MIA2: variants seen among roughly 807,000 people sequenced by gnomAD.
MIA2 encodes the protein melanoma inhibitory activity protein 2.
In MIA2, 127 loss-of-function variants were observed where a neutral mutation model predicts 167.8. The ratio of observed to expected loss-of-function variants is 0.76; its 90% CI spans 0.66 to 0.88. The LOEUF is 0.88. Ranked by LOEUF, MIA2 falls within the 40% of genes least tolerant of loss-of-function variation. The pLI is 0.00. For synonymous variants in MIA2, 552 were observed against 541.9 expected (o/e 1.02, Z -0.26); for missense variants, 1,690 against 1,624.7 (o/e 1.04, Z -0.69).
In MIA2 at chr14:39,247,043, A is replaced by G; in HGVS notation, c.469A>G (p.Ser157Gly). The change falls in exon 4 of 29, where the codon AGT becomes GGT. Residue 157 changes from serine to glycine, a missense_variant. Physicochemically the swap from Ser to Gly is moderately conservative, Grantham distance 56 (BLOSUM62 0). Coordinates refer to ENST00000640607, the MANE Select transcript of MIA2 (RefSeq NM_001329214.4). The stretch of plus-strand genomic sequence containing the variant: ...AGATGAAAAATCTAGTATATATGAA[A>G]GTGATTTTCAGATAGAACCTGGATT... ...DKDEKSSIYESDFQIEPGFYA... is the reference protein window; with the variant it reads ...DKDEKSSIYEGDFQIEPGFYA... 1 of 1,603,360 alleles carries G rather than the reference A, an allele frequency of 6.2e-7. No individual in the cohort carries two copies. The highest frequency in any genetic ancestry group is 1.3e-5 in the African/African-American group (1 of 74,220).
At chr14:39,238,784 ACCCTGTCTC>A (rs2053888957) in intron 2 of MIA2, among the ~76,000 whole-genome samples, 1 of 147,588 alleles carries the variant, frequency 6.8e-6, no homozygotes, top group Non-Finnish European at 1.5e-5. Context: ...ACAAAGTGAG[ACCCTGTCTC>A]AAAAAAAAAA....
chr14:39,367,562 G>A (rs1344591516), intron 23 of MIA2, among the ~76,000 whole-genome samples: 1 of 152,192 alleles, frequency 6.6e-6, no homozygotes, highest in Non-Finnish European at 1.5e-5. Flanking sequence ...GATACCTGGG[G>A]ATCCCTCACC....
intron 25 of MIA2, among the ~76,000 whole-genome samples, chr14:39,334,104 C>T (rs1227593969): frequency 1.3e-5 from 2 of 152,172 alleles, no homozygotes; most frequent in African/African-American, 4.8e-5. Flanking sequence ...ATGTATTTCT[C>T]AGTTAGCTTC....
intron 25 of MIA2, among the ~76,000 whole-genome samples, chr14:39,341,692 T>C (rs2071892455): frequency 6.6e-6 from 1 of 152,128 alleles, no homozygotes; most frequent in Non-Finnish European, 1.5e-5. Flanking sequence ...AGTAGCTATT[T>C]AGGAGAGTGG....
At chr14:39,331,885 T>A (rs12887525) in intron 25 of MIA2, among the ~76,000 whole-genome samples, 53,192 of 151,864 alleles carry the variant, frequency 0.35, 10,495 homozygotes, top group African/African-American at 0.53. Flanking sequence ...GCCCTTAACG[T>A]TTTTTCCTTC....
chr14:39,350,300 G>C lies in MIA2; in HGVS notation c.*36G>C. ...GCTCTCTTCAAAAGTAATTTTGACTGATCTCATTTTCAGTTTAAGTAACTG... is the reference window on the plus strand; with the variant it reads ...GCTCTCTTCAAAAGTAATTTTGACTCATCTCATTTTCAGTTTAAGTAACTG... On this transcript the variant is annotated 3_prime_UTR_variant, in exon 29 of 29. Transcript: ENST00000640607. 1 of 1,007,886 alleles carries C rather than the reference G, an allele frequency of 9.9e-7. No homozygotes were observed. Among genetic ancestry groups the C allele is most frequent in the Non-Finnish European group, 1.4e-6 (1 of 708,660 alleles). 62.4% of individuals were successfully genotyped at this position (1,007,886 alleles called of 1,614,324 possible).
intron 25 of MIA2, among the ~76,000 whole-genome samples, chr14:39,329,028 T>C (rs1275105325): frequency 6.6e-6 from 1 of 152,192 alleles, no homozygotes; most frequent in Non-Finnish European, 1.5e-5. Context: ...TTGATGGGAA[T>C]AGCATTGAAT....
intron 23 of MIA2, among the ~76,000 whole-genome samples, chr14:39,380,355 T>C (rs944032977): frequency 2.0e-5 from 3 of 152,122 alleles, no homozygotes; most frequent in Non-Finnish European, 4.4e-5. Context: ...GATAGTGAAA[T>C]TGACATCTCA....
At chr14:39,277,718 G>T (rs1198242741) in intron 7 of MIA2, among the ~76,000 whole-genome samples, 2 of 1,958 alleles carry the variant, frequency 1.0e-3, no homozygotes, top group African/African-American at 2.3e-3. Context: ...ATATATATGT[G>T]TGTATATATA....
At chr14:39,327,954 G>A (rs1016264270) in intron 25 of MIA2, among the ~76,000 whole-genome samples, 6 of 152,194 alleles carry the variant, frequency 3.9e-5, no homozygotes, top group Admixed American at 1.3e-4. Flanking sequence ...CTTTATAGTA[G>A]AATGATTTAT....
intron 22 of MIA2, among the ~76,000 whole-genome samples, chr14:39,318,842 T>C (rs1284777319): frequency 6.6e-6 from 1 of 152,098 alleles, no homozygotes; most frequent in Non-Finnish European, 1.5e-5. Flanking sequence ...TGTGAATAAA[T>C]ATTTAAACTC....
chr14:39,321,766 T>A (rs1188373281), intron 24 of MIA2, among the ~76,000 whole-genome samples: 1 of 151,028 alleles, frequency 6.6e-6, no homozygotes, highest in African/African-American at 2.4e-5. Flanking sequence ...TATGTAATTT[T>A]TTTTTTTTTT....
intron 25 of MIA2, among the ~76,000 whole-genome samples, chr14:39,329,915 T>A (rs952609724): frequency 6.6e-6 from 1 of 152,212 alleles, no homozygotes; most frequent in Non-Finnish European, 1.5e-5. Context: ...ATCAGAGATA[T>A]TGGCCTGAAA....
intron 2 of MIA2, among the ~76,000 whole-genome samples, chr14:39,237,930 G>C (rs2053833939): frequency 6.6e-6 from 1 of 151,754 alleles, no homozygotes; most frequent in Admixed American, 6.6e-5. Flanking sequence ...AGTAGAGATG[G>C]AGTTTCACCA....
chr14:39,314,060 G>A (rs9788556), intron 19 of MIA2, among the ~76,000 whole-genome samples: 150,487 of 152,310 alleles, frequency 0.99, 74,349 homozygotes, highest in East Asian at 1. Flanking sequence ...TTACTTCACA[G>A]TGGTTGCTAA....
rs1448425039 is a variant in MIA2 at position 39,281,617 on chromosome 14, TG to T, written c.2130+2082del. Among the ~76,000 whole-genome samples, 275 of 145,968 alleles carry T rather than the reference TG, an allele frequency of 1.9e-3. 2 individuals carry two copies. The highest frequency in any genetic ancestry group is 6.8e-3 in the African/African-American group (253 of 36,988). ...CTCTTATTTTTGTTTTGTTTTGTTTTGGTTTTTTTTTTTTTTTGGAGACGGA... is the reference window on the plus strand; with the variant it reads ...CTCTTATTTTTGTTTTGTTTTGTTTTGTTTTTTTTTTTTTTTGGAGACGGA... On this transcript the variant is annotated intron_variant, in intron 9 of 28. Coordinates refer to ENST00000640607, the MANE Select transcript of MIA2 (RefSeq NM_001329214.4).
chr14:39,315,676 T>C lies in MIA2; in HGVS notation c.3181-7T>C, dbSNP rs2065275204. 1.0e-5 allele frequency: 16 copies of C among 1,551,590 alleles called. No individual in the cohort carries two copies. In the South Asian group the frequency reaches 1.6e-4, roughly 16 times the overall value. On this transcript the variant is annotated splice_region_variant and splice_polypyrimidine_tract_variant and intron_variant, in intron 20 of 28. Coordinates refer to ENST00000640607, the MANE Select transcript of MIA2 (RefSeq NM_001329214.4). The stretch of plus-strand genomic sequence containing the variant: ...GTCAGTAGCATTTTAATTACTTTCT[T>C]TTTCAGATTATTTCCCATGAGAAAA...
intron 24 of MIA2, among the ~76,000 whole-genome samples, chr14:39,321,421 C>G (rs1186276325): frequency 6.6e-6 from 1 of 152,092 alleles, no homozygotes; most frequent in African/African-American, 2.4e-5. Flanking sequence ...TCACGCCATT[C>G]TCCTGCCTCA....
chr14:39,380,384 G>A (rs924559462), intron 23 of MIA2, among the ~76,000 whole-genome samples: 80 of 152,184 alleles, frequency 5.3e-4, no homozygotes, highest in African/African-American at 1.6e-3. Flanking sequence ...AGAGAAAGTC[G>A]GTGGGCTAGA....
Sources: allele counts gnomAD v4.1 joint callset (sites outside exome capture counted in the v4.1 genomes callset), GRCh38; gene constraint gnomAD v4.1.1; transcripts MANE v1.5; gene names NCBI Gene and HGNC (gene_info 2026-07-23, HGNC 2026-07-21).